The following TMX4 variants were observed in gnomAD, a reference collection of about 807,000 sequenced individuals.
TMX4 encodes the protein thioredoxin-related transmembrane protein 4.
In TMX4, 23 loss-of-function variants were observed where a neutral mutation model predicts 33.3. The ratio of observed to expected loss-of-function variants is 0.69; its 90% CI spans 0.50 to 0.98. The LOEUF (loss-of-function observed/expected upper bound fraction) is 0.98. TMX4 is among the 50% of genes least tolerant of loss of function. The pLI, the probability that TMX4 is intolerant of heterozygous loss-of-function variation, is 0.00. For missense variants in TMX4, 399 were observed against 448.9 expected, an observed-to-expected ratio of 0.89 and a Z score of 1.01; for synonymous variants, 164 against 161.5, an observed-to-expected ratio of 1.02 and a Z score of -0.12.
rs371844512 is a variant in TMX4 at position 8,006,308 on chromosome 20, G to A, written c.292+3892C>T. On this transcript the variant is annotated intron_variant, in intron 2 of 7. Coordinates refer to ENST00000246024, the MANE Select transcript of TMX4 (RefSeq NM_021156.4). Reference sequence around the variant, plus strand: ...AAATACTTAAAAGAATATCTTAATAGATCTACTGATGGAAGAGTTATAAGA... The same window carrying A: ...AAATACTTAAAAGAATATCTTAATAAATCTACTGATGGAAGAGTTATAAGA... Among the ~76,000 whole-genome samples, 5 of 152,270 alleles carry A rather than the reference G, an allele frequency of 3.3e-5. No homozygotes were observed. The East Asian group carries it at 5.8e-4, about 18-fold the overall frequency.
intron 6 of TMX4, among the ~76,000 whole-genome samples, chr20:7,986,655 G>A (rs2050632055): frequency 6.6e-6 from 1 of 152,098 alleles, no homozygotes. Context: ...AGTACAACAT[G>A]CTGAACATTT....
chr20:8,019,490 T>A lies in TMX4; in HGVS notation c.124A>T (p.Met42Leu). The A allele has an allele frequency of 6.6e-7, 1 of 1,513,436 alleles. No homozygotes were observed. The highest frequency in any genetic ancestry group is 8.8e-7 in the Non-Finnish European group (1 of 1,130,446). 93.8% of individuals were successfully genotyped at this position (1,513,436 alleles called of 1,614,324 possible). Residue 42 changes from methionine (M) to leucine (L), a missense_variant, in exon 1 of 8, where the codon ATG becomes TTG. By Grantham distance (15) the Met-to-Leu change is conservative. Transcript: ENST00000246024. ...LPPEQSRVQPMTASNWTLVME... is the reference protein window; with the variant it reads ...LPPEQSRVQPLTASNWTLVME... ...ACCAGCGTCCAGTTGGAGGCGGTCA[T>A]GGGCTGGACCCGGCTCTGCTCCGGC...
chr20:7,991,496 G>A (rs2050654656), intron 5 of TMX4, among the ~76,000 whole-genome samples: 1 of 152,110 alleles, frequency 6.6e-6, no homozygotes, highest in African/African-American at 2.4e-5. Flanking sequence ...AATTCAAAAT[G>A]CTCCAGTGAG....
Position 7,978,268 on chromosome 20 carries a change from G to C in TMX4, c.*3983C>G, listed in dbSNP as rs1037310786. 1.7e-4 allele frequency: 26 copies of C among 152,172 alleles called. No individual in the cohort carries two copies. Among genetic ancestry groups the C allele is most frequent in the African/African-American group, 5.5e-4 (23 of 41,546 alleles). 9.4% of individuals were successfully genotyped at this position (152,172 alleles called of 1,614,324 possible). A position where few individuals can be genotyped will look rare whatever the true frequency, so the allele number is the denominator to read the frequency against. ...CTTCTTTCTCTCACTTCATACTAAA[G>C]ATTTTATGCTGAAATCTCAGGTTTG... is the stretch of plus-strand genomic sequence containing the variant. On this transcript the variant is annotated 3_prime_UTR_variant, in exon 8 of 8. Coordinates refer to ENST00000246024, the MANE Select transcript of TMX4 (RefSeq NM_021156.4).
intron 1 of TMX4, among the ~76,000 whole-genome samples, chr20:8,013,590 G>A (rs549340055): frequency 6.6e-6 from 1 of 152,198 alleles, no homozygotes; most frequent in South Asian, 2.1e-4. Context: ...TGTTTTTGTT[G>A]TCCATGTTGT....
Position 8,019,641 on chromosome 20 carries a change from G to T in TMX4, c.-28C>A. The T allele has an allele frequency of 7.6e-7, 1 of 1,317,668 alleles. No individual in the cohort carries two copies. Among genetic ancestry groups the T allele is most frequent in the African/African-American group, 1.5e-5 (1 of 64,630 alleles). 81.6% of individuals were successfully genotyped at this position (1,317,668 alleles called of 1,614,324 possible). On this transcript the variant is annotated 5_prime_UTR_variant, in exon 1 of 8. Coordinates refer to ENST00000246024, the MANE Select transcript of TMX4 (RefSeq NM_021156.4). ...TGGGCGCCGAGCGAGGCTTCTCGGC[G>T]GGGAGTGTGGGGAAGGGCAGCGGCC...
At position 8,009,150 on chromosome 20, in the gene TMX4, T is replaced by A. The variant is rs114305578; in HGVS notation, c.292+1050A>T. On this transcript the variant is annotated intron_variant, in intron 2 of 7. Transcript: ENST00000246024. ...CTGTTAAAATTTGAAAATAGCCACA[T>A]TTTAGAGATTTAGATTATAAAAGGC... Among the ~76,000 whole-genome samples the A allele has an allele frequency of 4.0e-3, 613 of 152,242 alleles. 6 individuals carry two copies. Among genetic ancestry groups the A allele is most frequent in the African/African-American group, 0.013 (540 of 41,562 alleles).
At chr20:8,000,939 C>A (rs1292381575) in intron 3 of TMX4, among the ~76,000 whole-genome samples, 2 of 152,162 alleles carry the variant, frequency 1.3e-5, no homozygotes, top group African/African-American at 4.8e-5. Context: ...TTACACATGG[C>A]CTGTTGGTAG....
intron 2 of TMX4, among the ~76,000 whole-genome samples, chr20:8,004,095 G>A (rs1414637049): frequency 6.6e-6 from 1 of 150,484 alleles, no homozygotes; most frequent in Non-Finnish European, 1.5e-5. Context: ...CTAAATCCCT[G>A]TAGATCCAAC....
At chr20:8,015,193 G>A (rs1404155843) in intron 1 of TMX4, among the ~76,000 whole-genome samples, 1 of 152,160 alleles carries the variant, frequency 6.6e-6, no homozygotes, top group Non-Finnish European at 1.5e-5. Flanking sequence ...AAGTTTTAAT[G>A]AGGCTTTAAA....
chr20:8,006,828 G>A (rs573279368), intron 2 of TMX4, among the ~76,000 whole-genome samples: 16 of 149,550 alleles, frequency 1.1e-4, no homozygotes, highest in Non-Finnish European at 2.1e-4. Flanking sequence ...GCGCTATCTC[G>A]GCTCACTGCA....
intron 1 of TMX4, among the ~76,000 whole-genome samples, chr20:8,018,345 G>C (rs1405550084): frequency 9.9e-6 from 1 of 101,422 alleles, no homozygotes; most frequent in Non-Finnish European, 2.0e-5. Flanking sequence ...GAGAGAGAGA[G>C]GAGGGAGAGA....
chr20:7,993,780 T>TGC lies in TMX4; in HGVS notation c.513+2244_513+2245dup, dbSNP rs578072028. ...CAGATTTCACAAATTATTAAGGTAA[T>TGC]GCACACACACACACACACACGGAGA... On this transcript the variant is annotated intron_variant, in intron 5 of 7. Transcript: ENST00000246024. 5.7e-4 allele frequency among the ~76,000 whole-genome samples: 82 copies of TGC among 143,726 alleles called. 1 individual carries two copies. The highest frequency in any genetic ancestry group is 1.7e-3 in the African/African-American group (61 of 35,154). The allele number at this position is 143,726 out of a possible 152,430, so 94.3% of individuals were successfully genotyped here. A position where few individuals can be genotyped will look rare whatever the true frequency, so the allele number is the denominator to read the frequency against.
chr20:8,014,811 A>C (rs913120860), intron 1 of TMX4, among the ~76,000 whole-genome samples: 4 of 152,194 alleles, frequency 2.6e-5, no homozygotes, highest in Non-Finnish European at 4.4e-5. Context: ...AGCACGAACA[A>C]GGCCTACCCT....
chr20:7,982,896 G>A (rs1049482631), intron 7 of TMX4, among the ~76,000 whole-genome samples: 1 of 152,174 alleles, frequency 6.6e-6, no homozygotes, highest in African/African-American at 2.4e-5. Context: ...TTTGTGTCTT[G>A]TAGAAAGCTC....
At chr20:7,993,507 G>A (rs1410974363) in intron 5 of TMX4, among the ~76,000 whole-genome samples, 1 of 152,118 alleles carries the variant, frequency 6.6e-6, no homozygotes, top group African/African-American at 2.4e-5. Flanking sequence ...ATAAAGACAG[G>A]AAGGCAAGAC....
At position 7,982,323 on chromosome 20, in the gene TMX4, G is replaced by A. The variant is rs754979840; in HGVS notation, c.978C>T (p.Cys326=). The A allele has an allele frequency of 5.0e-6, 8 of 1,613,956 alleles. No homozygotes were observed. In the East Asian group the frequency reaches 1.6e-4, roughly 31 times the overall value. The change falls in exon 8 of 8, where the codon TGC becomes TGT. Residue 326 remains cysteine, a synonymous_variant. Transcript: ENST00000246024. Reference sequence around the variant, plus strand: ...CTTCCACCACCTCTGTGTCAGCTGGGCAGGGTTGCTCAGAGATGCCTTCTT... The same window carrying A: ...CTTCCACCACCTCTGTGTCAGCTGGACAGGGTTGCTCAGAGATGCCTTCTT... ...EAEEGISEQP[C]PADTEVVEDS...
intron 2 of TMX4, among the ~76,000 whole-genome samples, chr20:8,005,227 C>T (rs954895951): frequency 6.6e-6 from 1 of 152,134 alleles, no homozygotes; most frequent in South Asian, 2.1e-4. Flanking sequence ...CTGCTGTTTT[C>T]CTGACCTTGA....
At chr20:8,018,902 C>A (rs994509020) in intron 1 of TMX4, 26 of 372,732 alleles carry the variant, frequency 7.0e-5, no homozygotes, top group Non-Finnish European at 1.2e-4. Context: ...GGTCTTCAAA[C>A]GGAAGACTAC....
Sources: allele counts gnomAD v4.1 joint callset (sites outside exome capture counted in the v4.1 genomes callset), GRCh38; gene constraint gnomAD v4.1.1; transcripts MANE v1.5; gene names NCBI Gene and HGNC (gene_info 2026-07-23, HGNC 2026-07-21).